The following PLK5 variants were observed in gnomAD, a reference collection of about 807,000 sequenced individuals.
PLK5 encodes inactive serine/threonine-protein kinase PLK5.
A neutral mutation model predicts 33.7 loss-of-function variants in PLK5; 28 were observed. That is an observed-to-expected ratio of 0.83 (90% CI 0.62 to 1.14). The LOEUF is 1.14. Among genes scored for constraint, PLK5 ranks in the 50% most tolerant of loss-of-function variants. The pLI, the probability that PLK5 is intolerant of heterozygous loss-of-function variation, is 0.00. For synonymous variants in PLK5, 225 were observed against 202.2 expected (o/e 1.11, Z -0.96); for missense variants, 492 against 461.5 (o/e 1.07, Z -0.61).
rs2656858 is a variant in PLK5 at position 1,526,932 on chromosome 19, A to T, written c.-65A>T. The T allele has an allele frequency of 6.5e-7, 1 of 1,528,054 alleles. No individual in the cohort carries two copies. The highest frequency in any genetic ancestry group is 8.8e-7 in the Non-Finnish European group (1 of 1,140,236). The allele number at this position is 1,528,054 out of a possible 1,614,324, so 94.7% of individuals were successfully genotyped here. On this transcript the variant is annotated 5_prime_UTR_variant, in exon 6 of 14. Coordinates refer to ENST00000454744, the MANE Select transcript of PLK5 (RefSeq NM_001243079.2). ...CTCTGTGGGACCCCTAACTTCCTGG[A>T]CCCTGAGGTTGTCTCCAGAAACGGT...
chr19:1,529,043 C>A lies in PLK5; in HGVS notation c.405+69C>A, dbSNP rs1024499887. 725 of 1,347,684 alleles carry A rather than the reference C, an allele frequency of 5.4e-4. 1 individual carries two copies. Among genetic ancestry groups the A allele is most frequent in the Non-Finnish European group, 6.7e-4 (680 of 1,018,340 alleles). The allele number at this position is 1,347,684 out of a possible 1,614,324, so 83.5% of individuals were successfully genotyped here. On this transcript the variant is annotated intron_variant, in intron 9 of 13. Transcript: ENST00000454744. ...GCATGCTGGCCCCTGCTAAAACCCC[C>A]TCCCCCATGCCGGCTTCTCTGAACC...
At position 1,528,965 on chromosome 19, in the gene PLK5, G is replaced by C. The variant is rs529791371; in HGVS notation, c.396G>C (p.Trp132Cys). 63 of 1,513,930 alleles carry C rather than the reference G, an allele frequency of 4.2e-5. No homozygotes were observed. The highest frequency in any genetic ancestry group is 1.3e-4 in the Admixed American group (6 of 46,784). The allele number at this position is 1,513,930 out of a possible 1,614,324, so 93.8% of individuals were successfully genotyped here. ...EGGPDPDSME[W>C]DGESSLSAKE... The stretch of plus-strand genomic sequence containing the variant: ...GGCCAGACCCTGACTCCATGGAGTG[G>C]GACGGCGAGGTGAGACATCGGGGTG... Residue 132 changes from tryptophan to cysteine, a missense_variant, in exon 9 of 14, where the codon TGG becomes TGC. Transcript: ENST00000454744.
chr19:1,535,513 CGTT>C lies in PLK5; in HGVS notation c.*265_*267del, dbSNP rs1311984545. The C allele has an allele frequency of 8.3e-6, 4 of 482,866 alleles. No individual in the cohort carries two copies. The highest frequency in any genetic ancestry group is 3.0e-5 in the South Asian group (1 of 32,850). The allele number at this position is 482,866 out of a possible 1,614,324, so 29.9% of individuals were successfully genotyped here. A position where few individuals can be genotyped will look rare whatever the true frequency, so the allele number is the denominator to read the frequency against. On this transcript the variant is annotated 3_prime_UTR_variant, in exon 14 of 14. Coordinates refer to ENST00000454744, the MANE Select transcript of PLK5 (RefSeq NM_001243079.2). The stretch of plus-strand genomic sequence containing the variant: ...CGTTTGAGGAGCTTTGGCAAAGAAA[CGTT>C]GACCCCACGTGACGTTGCATCCTCC...
intron 4 of PLK5, 44 bp downstream of exon 4, chr19:1,526,659 T>G: frequency 5.7e-6 from 2 of 353,300 alleles, no homozygotes; most frequent in Non-Finnish European, 5.3e-6. Flanking sequence ...CGTCGGGAGG[T>G]GGGCACGGAT....
chr19:1,534,943 A>G, intron 13 of PLK5, 122 bp from the exon 14 acceptor site: 2 of 901,300 alleles, frequency 2.2e-6, no homozygotes, highest in South Asian at 3.8e-5. Context: ...TGGCTGGGGC[A>G]GGCACTAGGG....
chr19:1,525,569 G>T (rs373510996), intron 2 of PLK5, 26 bp from the exon 3 acceptor site: 154 of 152,790 alleles, frequency 1.0e-3, no homozygotes, highest in Admixed American at 1.0e-3. Flanking sequence ...GCTGCAGGCG[G>T]GTACATGTCG....
At chr19:1,528,830 C>T (rs1277025069) in intron 8 of PLK5, 68 bp from the exon 9 acceptor site, 2 of 1,184,506 alleles carry the variant, frequency 1.7e-6, no homozygotes, top group Non-Finnish European at 2.3e-6. Context: ...GTGTGGGTGG[C>T]AGGTGCCCCC....
At position 1,525,633 on chromosome 19, in the gene PLK5, C is replaced by T. The variant is rs1020626581; in HGVS notation, c.-391C>T. On this transcript the variant is annotated 5_prime_UTR_variant, in exon 3 of 14. Transcript: ENST00000454744. ...TTGCCCTGCATAGCCGCCTGCGACC[C>T]CGCAACATCGTGGCTTTCCACGGAC... The T allele has an allele frequency of 6.5e-6, 1 of 152,698 alleles. No individual in the cohort carries two copies. The highest frequency in any genetic ancestry group is 2.4e-5 in the African/African-American group (1 of 41,454). The allele number at this position is 152,698 out of a possible 1,614,324, so 9.5% of individuals were successfully genotyped here. A position where few individuals can be genotyped will look rare whatever the true frequency, so the allele number is the denominator to read the frequency against.
intron 12 of PLK5, chr19:1,533,715 C>T (rs1913999197): frequency 1.7e-6 from 1 of 599,250 alleles, no homozygotes; most frequent in Non-Finnish European, 3.0e-6. Flanking sequence ...TGTCCTGGCC[C>T]CAGCCAAGTG....
chr19:1,532,961 T>C (rs1040203099), intron 12 of PLK5, among the ~76,000 whole-genome samples: 4 of 150,248 alleles, frequency 2.7e-5, no homozygotes, highest in Non-Finnish European at 5.9e-5. Flanking sequence ...CCACCGCGCC[T>C]GGCCAAGTTT....
In PLK5 at chr19:1,528,401, C is replaced by G. The variant is rs1184929001; in HGVS notation, c.301C>G (p.Arg101Gly). The G allele has an allele frequency of 6.5e-7, 1 of 1,534,336 alleles. No homozygotes were observed. Among genetic ancestry groups the G allele is most frequent in the South Asian group, 1.2e-5 (1 of 83,982 alleles). The part of the protein sequence containing the change: ...LGRIFRKVGQ[R>G]LLTQCRPPCP... ...CAGGATCTTCCGGAAGGTGGGCCAG[C>G]GGCTGCTCACCCAGTGCCGGCCACC... Residue 101 changes from arginine to glycine, a missense_variant, in exon 8 of 14, where the codon CGG (arginine) becomes GGG (glycine). Physicochemically the swap from Arg to Gly is moderately radical, Grantham distance 125. Coordinates refer to ENST00000454744, the MANE Select transcript of PLK5 (RefSeq NM_001243079.2).
intron 13 of PLK5, among the ~76,000 whole-genome samples, chr19:1,534,623 G>A (rs1914035786): frequency 6.8e-6 from 1 of 147,014 alleles, no homozygotes; most frequent in African/African-American, 2.5e-5. Flanking sequence ...GCCTAACACG[G>A]TGAAACCCCG....
chr19:1,533,547 C>T (rs1279497175), intron 12 of PLK5, among the ~76,000 whole-genome samples: 1 of 151,996 alleles, frequency 6.6e-6, no homozygotes, highest in Non-Finnish European at 1.5e-5. Context: ...GAAGGGTGGA[C>T]CAGCTGTCAG....
rs1182656101 is a variant in PLK5 at position 1,525,584 on chromosome 19, C to T, written c.-429-11C>T. 4 of 152,738 alleles carry T rather than the reference C, an allele frequency of 2.6e-5. No homozygotes were observed. The East Asian group carries it at 7.7e-4, about 30-fold the overall frequency. The allele number at this position is 152,738 out of a possible 1,614,324, so 9.5% of individuals were successfully genotyped here. On this transcript the variant is annotated splice_polypyrimidine_tract_variant and intron_variant, in intron 2 of 13. Coordinates refer to ENST00000454744, the MANE Select transcript of PLK5 (RefSeq NM_001243079.2). Reference sequence around the variant, plus strand: ...GCTGCAGGCGGGTACATGTCGGGGCCGTGCCTGCAGGTGGAGCGTGAGATT... The same window carrying T: ...GCTGCAGGCGGGTACATGTCGGGGCTGTGCCTGCAGGTGGAGCGTGAGATT...
At position 1,526,688 on chromosome 19, in the gene PLK5, C is replaced by T. The variant is rs1477188701; in HGVS notation, c.-182-16C>T. On this transcript the variant is annotated splice_polypyrimidine_tract_variant and intron_variant, in intron 4 of 13. Transcript: ENST00000454744. ...CACGGATCCACCCCCATGCGCAATG[C>T]CCCTCCCACTGCCAGGTAACTTCTT... The T allele has an allele frequency of 1.5e-5, 7 of 456,390 alleles. No homozygotes were observed. The highest frequency in any genetic ancestry group is 2.4e-5 in the Non-Finnish European group (6 of 246,532). 28.3% of individuals were successfully genotyped at this position (456,390 alleles called of 1,614,324 possible).
At chr19:1,534,929 C>G in intron 13 of PLK5, 136 bp from the exon 14 acceptor site, 1 of 801,652 alleles carries the variant, frequency 1.2e-6, no homozygotes, top group African/African-American at 1.8e-5. Context: ...ACCCCGAGTT[C>G]CTGTGGCTGG....
rs71337020 is a variant in PLK5, at chr19:1,528,688, T to C, written c.329-210T>C. On this transcript the variant is annotated intron_variant, in intron 8 of 13. Coordinates refer to ENST00000454744, the MANE Select transcript of PLK5 (RefSeq NM_001243079.2). Reference sequence around the variant, plus strand: ...CCACCTGCCCACACCTCCCACCTGCTCACACCTCCCACCTGCCCACACCTG... The same window carrying C: ...CCACCTGCCCACACCTCCCACCTGCCCACACCTCCCACCTGCCCACACCTG... 3.7e-4 allele frequency among the ~76,000 whole-genome samples: 36 copies of C among 96,300 alleles called. 1 individual carries two copies. The highest frequency in any genetic ancestry group is 1.3e-3 in the African/African-American group (23 of 17,982). 63.2% of individuals were successfully genotyped at this position (96,300 alleles called of 152,430 possible). A position where few individuals can be genotyped will look rare whatever the true frequency, so the allele number is the denominator to read the frequency against.
rs76963471 is a variant in PLK5, at chr19:1,526,711, C to G, written c.-175C>G. On this transcript the variant is annotated 5_prime_UTR_variant, in exon 5 of 14. Coordinates refer to ENST00000454744, the MANE Select transcript of PLK5 (RefSeq NM_001243079.2). Reference sequence around the variant, plus strand: ...TGCCCCTCCCACTGCCAGGTAACTTCTTCCTTAACAAGAACATGGAGGTGA... The same window carrying G: ...TGCCCCTCCCACTGCCAGGTAACTTGTTCCTTAACAAGAACATGGAGGTGA... 2 of 507,252 alleles carry G rather than the reference C, an allele frequency of 3.9e-6. No individual in the cohort carries two copies. The highest frequency in any genetic ancestry group is 3.9e-5 in the African/African-American group (2 of 50,972). The allele number at this position is 507,252 out of a possible 1,614,324, so 31.4% of individuals were successfully genotyped here.
At chr19:1,527,024 G>A in intron 6 of PLK5, 26 bp downstream of exon 6, 2 of 1,367,086 alleles carry the variant, frequency 1.5e-6, no homozygotes, top group Non-Finnish European at 2.0e-6. Flanking sequence ...GAGAAGGTGG[G>A]CAGGGCCTCC....
Sources: allele counts gnomAD v4.1 joint callset (sites outside exome capture counted in the v4.1 genomes callset), GRCh38; gene constraint gnomAD v4.1.1; transcripts MANE v1.5; gene names NCBI Gene and HGNC (gene_info 2026-07-23, HGNC 2026-07-21).